The following SEMA6D variants were observed in gnomAD, a reference collection of about 807,000 sequenced individuals.
The protein encoded by SEMA6D is semaphorin 6D.
A neutral mutation model predicts 106.6 loss-of-function variants in SEMA6D; 35 were observed. That is an observed-to-expected ratio of 0.33 (90% CI 0.25 to 0.44). The LOEUF (loss-of-function observed/expected upper bound fraction) is 0.44, where lower values mean the gene tolerates loss of function less well. SEMA6D is among the 20% of genes least tolerant of loss of function. The pLI is 1.00. For synonymous variants in SEMA6D, 499 were observed against 487.7 expected, an observed-to-expected ratio of 1.02 and a Z score of -0.31; for missense variants, 1,185 against 1,345.9, an observed-to-expected ratio of 0.88 and a Z score of 1.87.
chr15:47,465,063 C>T (rs1268448106), intron 2 of SEMA6D, among the ~76,000 whole-genome samples: 1 of 152,178 alleles, frequency 6.6e-6, no homozygotes, highest in Non-Finnish European at 1.5e-5. Flanking sequence ...CTCCCCTCAC[C>T]ACTCACAGAT....
chr15:47,306,836 A>G (rs2036252231), intron 1 of SEMA6D, among the ~76,000 whole-genome samples: 1 of 152,264 alleles, frequency 6.6e-6, no homozygotes, highest in Non-Finnish European at 1.5e-5. Flanking sequence ...TATCCTTCTT[A>G]GTATAATTTT....
intron 1 of SEMA6D, among the ~76,000 whole-genome samples, chr15:47,362,743 G>A (rs985650479): frequency 6.6e-6 from 1 of 152,080 alleles, no homozygotes. Flanking sequence ...CTGAGGAAGA[G>A]GGGGAGGAGG....
At chr15:47,585,002 GGGAATGTATGAA>G (rs1223109319) in intron 3 of SEMA6D, among the ~76,000 whole-genome samples, 1 of 152,144 alleles carries the variant, frequency 6.6e-6, no homozygotes, top group African/African-American at 2.4e-5. Context: ...CGGAGATTTA[GGGAATGTATGAA>G]GGCAGCAGGT....
chr15:47,488,040 A>T (rs746966302), intron 3 of SEMA6D, among the ~76,000 whole-genome samples: 1 of 152,034 alleles, frequency 6.6e-6, no homozygotes, highest in Non-Finnish European at 1.5e-5. Flanking sequence ...TCACACACTA[A>T]ATCTCTGATA....
chr15:47,287,929 T>C (rs1396846331), intron 1 of SEMA6D, among the ~76,000 whole-genome samples: 12 of 152,018 alleles, frequency 7.9e-5, no homozygotes, highest in Admixed American at 7.9e-4. Flanking sequence ...TCAGGAAGCT[T>C]ATCATAATGG....
chr15:47,304,838 A>G (rs1299989725), intron 1 of SEMA6D, among the ~76,000 whole-genome samples: 2 of 152,128 alleles, frequency 1.3e-5, no homozygotes, highest in South Asian at 2.1e-4. Flanking sequence ...GTGAAATGGG[A>G]GGAAATTTGC....
At chr15:47,344,889 A>G (rs996914602) in intron 1 of SEMA6D, among the ~76,000 whole-genome samples, 3 of 152,220 alleles carry the variant, frequency 2.0e-5, no homozygotes, top group African/African-American at 7.2e-5. Flanking sequence ...CAAAAGTCCA[A>G]TTACGTTTTT....
At chr15:47,270,591 A>G (rs896049271) in intron 1 of SEMA6D, among the ~76,000 whole-genome samples, 1 of 152,190 alleles carries the variant, frequency 6.6e-6, no homozygotes, top group African/African-American at 2.4e-5. Context: ...TGATGTGAAC[A>G]CTAAGAAACT....
intron 1 of SEMA6D, chr15:47,395,439 G>A (rs943679127): frequency 2.0e-5 from 3 of 152,192 alleles, no homozygotes; most frequent in African/African-American, 7.2e-5. Context: ...GACATTTACT[G>A]TACATCATTT....
At chr15:47,441,513 C>G (rs1221193856) in intron 2 of SEMA6D, among the ~76,000 whole-genome samples, 1 of 152,022 alleles carries the variant, frequency 6.6e-6, no homozygotes, top group Non-Finnish European at 1.5e-5. Context: ...TATACAATAG[C>G]TTGATGTACC....
chr15:47,731,238 C>T (rs1337951050), intron 1 of SEMA6D, among the ~76,000 whole-genome samples: 1 of 152,106 alleles, frequency 6.6e-6, no homozygotes, highest in Non-Finnish European at 1.5e-5. Context: ...GCACCTCATT[C>T]AGCTCTCAGG....
chr15:47,629,116 A>G (rs1368595397), intron 4 of SEMA6D, among the ~76,000 whole-genome samples: 5 of 152,006 alleles, frequency 3.3e-5, no homozygotes, highest in Non-Finnish European at 1.5e-5. Context: ...CTAATACCAC[A>G]CACTCTTGAT....
At chr15:47,533,070 A>C (rs940676312) in intron 3 of SEMA6D, among the ~76,000 whole-genome samples, 4 of 152,224 alleles carry the variant, frequency 2.6e-5, no homozygotes, top group African/African-American at 9.6e-5. Context: ...TGTTATTAAT[A>C]CTTTAAGTGC....
chr15:47,555,432 C>T (rs1195928745), intron 3 of SEMA6D, among the ~76,000 whole-genome samples: 1 of 152,136 alleles, frequency 6.6e-6, no homozygotes, highest in Admixed American at 6.6e-5. Flanking sequence ...TAAAACACTA[C>T]CCCTTGCATA....
rs1236645804 is a variant in SEMA6D at position 47,774,122 on chromosome 15, A to AAT, written c.*2339_*2340dup. ...CTGTTTTATAGAGTACTTTAACATGAATAGATACCTTGTAAACTTGTATTG... is the reference window on the plus strand; with the variant it reads ...CTGTTTTATAGAGTACTTTAACATGAATATAGATACCTTGTAAACTTGTATTG... On this transcript the variant is annotated 3_prime_UTR_variant, in exon 19 of 19. Coordinates refer to ENST00000536845, the MANE Select transcript of SEMA6D (RefSeq NM_001358351.3). 1 of 152,648 alleles carries AAT rather than the reference A, an allele frequency of 6.6e-6. No individual in the cohort carries two copies. The highest frequency in any genetic ancestry group is 1.5e-5 in the Non-Finnish European group (1 of 68,038). 9.5% of individuals were successfully genotyped at this position (152,648 alleles called of 1,614,324 possible).
intron 1 of SEMA6D, among the ~76,000 whole-genome samples, chr15:47,271,273 G>A (rs146103256): frequency 2.0e-5 from 3 of 152,328 alleles, no homozygotes; most frequent in African/African-American, 7.2e-5. Flanking sequence ...AGAAAAGGAA[G>A]TGGGTCTAGG....
chr15:47,481,871 T>C (rs2043162518), intron 3 of SEMA6D, among the ~76,000 whole-genome samples: 1 of 152,306 alleles, frequency 6.6e-6, no homozygotes. Flanking sequence ...TTCCTGAGGC[T>C]GGATAGAGTG....
At chr15:47,356,068 G>T (rs1276262602) in intron 1 of SEMA6D, among the ~76,000 whole-genome samples, 1 of 152,086 alleles carries the variant, frequency 6.6e-6, no homozygotes, top group Non-Finnish European at 1.5e-5. Context: ...TGGGTATTTG[G>T]TTATTCCCAT....
chr15:47,693,719 G>C (rs2078638781), intron 4 of SEMA6D, among the ~76,000 whole-genome samples: 1 of 152,122 alleles, frequency 6.6e-6, no homozygotes, highest in Admixed American at 6.5e-5. Flanking sequence ...AGAATTGCTT[G>C]AGGTCAGGAG....
Sources: allele counts gnomAD v4.1 joint callset (sites outside exome capture counted in the v4.1 genomes callset), GRCh38; gene constraint gnomAD v4.1.1; transcripts MANE v1.5; gene names NCBI Gene and HGNC (gene_info 2026-07-23, HGNC 2026-07-21).